EYS: variants seen among roughly 807,000 people sequenced by gnomAD.
EYS encodes the protein EGF-like photoreceptor maintenance factor, also known as protein eyes shut homolog.
EYS carries 250 observed loss-of-function variants against 282.1 expected under a neutral mutation model. The observed-to-expected ratio is 0.89, with a 90% CI of 0.80 to 0.98. The LOEUF is 0.98. Among genes scored for constraint, EYS ranks in the 50% least tolerant of loss-of-function variants. EYS has a pLI of 0.00. For missense variants in EYS, 4,016 were observed against 3,709.0 expected (o/e 1.08, Z -2.15); for synonymous variants, 1,355 against 1,282.9 (o/e 1.06, Z -1.20).
chr6:64,083,582 T>G (rs1035341020), intron 31 of EYS, among the ~76,000 whole-genome samples: 1 of 152,204 alleles, frequency 6.6e-6, no homozygotes, highest in Non-Finnish European at 1.5e-5. Context: ...GAAGAGCTGT[T>G]AGAAATGGCA....
chr6:64,744,340 C>G (rs963956172), intron 22 of EYS, among the ~76,000 whole-genome samples: 1 of 152,096 alleles, frequency 6.6e-6, no homozygotes, highest in Non-Finnish European at 1.5e-5. Flanking sequence ...GAGTGAGAAA[C>G]AGATGCTGCT....
intron 2 of EYS, among the ~76,000 whole-genome samples, chr6:65,577,003 C>A (rs1191316574): frequency 6.6e-6 from 1 of 151,734 alleles, no homozygotes; most frequent in African/African-American, 2.4e-5. Flanking sequence ...CCAAAGCAAT[C>A]TATGAATTTT....
At chr6:64,654,816 A>G (rs1004177665) in intron 22 of EYS, among the ~76,000 whole-genome samples, 2 of 152,208 alleles carry the variant, frequency 1.3e-5, no homozygotes, top group African/African-American at 2.4e-5. Context: ...AGGGACAGCT[A>G]TACATTATTA....
intron 26 of EYS, among the ~76,000 whole-genome samples, chr6:64,524,940 A>G (rs1033839227): frequency 3.3e-5 from 5 of 151,768 alleles, no homozygotes; most frequent in African/African-American, 1.2e-4. Context: ...CAATACCCCC[A>G]ATTATTAGAG....
intron 5 of EYS, among the ~76,000 whole-genome samples, chr6:65,441,340 C>T (rs1002080008): frequency 2.0e-5 from 3 of 151,690 alleles, no homozygotes; most frequent in Non-Finnish European, 4.4e-5. Context: ...TATATTTTGA[C>T]ACTATATGTG....
intron 12 of EYS, among the ~76,000 whole-genome samples, chr6:65,191,315 T>A (rs989721047): frequency 2.0e-5 from 3 of 151,806 alleles, no homozygotes; most frequent in African/African-American, 7.3e-5. Context: ...ATAAGAATAG[T>A]GAATATGTTA....
intron 4 of EYS, among the ~76,000 whole-genome samples, chr6:65,492,965 G>A (rs1396946468): frequency 6.6e-6 from 1 of 152,122 alleles, no homozygotes; most frequent in African/African-American, 2.4e-5. Flanking sequence ...CGCCCAGGCT[G>A]GAGTGCAATG....
intron 31 of EYS, among the ~76,000 whole-genome samples, chr6:64,174,544 T>G (rs542182735): frequency 1.3e-5 from 2 of 151,724 alleles, no homozygotes; most frequent in South Asian, 4.2e-4. Context: ...AGAAAATCAT[T>G]TTATTCATAT....
chr6:64,165,679 G>T (rs577846914), intron 31 of EYS, among the ~76,000 whole-genome samples: 2 of 152,222 alleles, frequency 1.3e-5, no homozygotes, highest in Non-Finnish European at 2.9e-5. Context: ...TTGAACTCTG[G>T]CAATTTAACA....
chr6:65,104,433 T>C (rs1196012530), intron 12 of EYS, among the ~76,000 whole-genome samples: 1 of 151,534 alleles, frequency 6.6e-6, no homozygotes, highest in African/African-American at 2.4e-5. Context: ...AGCCCACAAT[T>C]TGAGTAAATG....
chr6:64,105,902 T>A (rs1301859029), intron 31 of EYS, among the ~76,000 whole-genome samples: 1 of 152,214 alleles, frequency 6.6e-6, no homozygotes, highest in African/African-American at 2.4e-5. Flanking sequence ...TAGCATGGCA[T>A]ATCTGTCTCC....
chr6:63,932,817 T>C (rs1303360187), intron 35 of EYS, among the ~76,000 whole-genome samples: 1 of 152,178 alleles, frequency 6.6e-6, no homozygotes, highest in African/African-American at 2.4e-5. Flanking sequence ...TCTGACACTA[T>C]TTACCTGGAG....
chr6:65,379,500 A>G (rs1319824081), intron 8 of EYS, among the ~76,000 whole-genome samples: 1 of 152,106 alleles, frequency 6.6e-6, no homozygotes. Flanking sequence ...ACAAACCCAT[A>G]GCCAATATCA....
At chr6:64,769,431 CTT>C (rs1404742274) in intron 22 of EYS, among the ~76,000 whole-genome samples, 2 of 151,748 alleles carry the variant, frequency 1.3e-5, no homozygotes, top group South Asian at 4.2e-4. Flanking sequence ...AAATATTATT[CTT>C]GTTTTAAAAT....
At chr6:64,840,482 A>G (rs1765530007) in intron 19 of EYS, among the ~76,000 whole-genome samples, 1 of 152,166 alleles carries the variant, frequency 6.6e-6, no homozygotes, top group South Asian at 2.1e-4. Flanking sequence ...TAACAGGCCA[A>G]GTGATGGGAG....
intron 8 of EYS, among the ~76,000 whole-genome samples, chr6:65,357,228 T>C (rs934193724): frequency 2.6e-5 from 4 of 152,090 alleles, no homozygotes; most frequent in Admixed American, 2.0e-4. Flanking sequence ...CTTTATTCAG[T>C]TTGTTAACTT....
At chr6:65,590,277 A>T (rs969279619) in intron 2 of EYS, among the ~76,000 whole-genome samples, 2 of 152,052 alleles carry the variant, frequency 1.3e-5, no homozygotes, top group Non-Finnish European at 2.9e-5. Context: ...GGCTCCATCA[A>T]CCTGAAGCAG....
chr6:64,518,780 GC>G (rs34658444), intron 26 of EYS, among the ~76,000 whole-genome samples: 9 of 147,614 alleles, frequency 6.1e-5, no homozygotes, highest in African/African-American at 1.2e-4. Flanking sequence ...TTTATAAGGG[GC>G]CCCCCCCTTC....
At chr6:64,042,212 T>C (rs768009038) in intron 33 of EYS, among the ~76,000 whole-genome samples, 1 of 152,216 alleles carries the variant, frequency 6.6e-6, no homozygotes, top group Non-Finnish European at 1.5e-5. Flanking sequence ...TAGAATTAAT[T>C]TGGAGTACTG....
Sources: gnomAD v4.1 joint callset for allele counts (sites outside exome capture counted in the v4.1 genomes callset) on GRCh38, gnomAD v4.1.1 for gene constraint, MANE v1.5 for transcripts, NCBI Gene and HGNC (gene_info 2026-07-23, HGNC 2026-07-21) for gene names.